The following SPOCK3 variants were observed in gnomAD, a reference collection of about 807,000 sequenced individuals.
SPOCK3 encodes the protein SPARC (osteonectin), cwcv and kazal like domains proteoglycan 3.
Under a neutral mutation model 56.6 loss-of-function variants are expected in SPOCK3, and 30 were observed. That is an observed-to-expected ratio of 0.53 (90% CI 0.40 to 0.72). The LOEUF is 0.72. Ranked by LOEUF, SPOCK3 falls within the 30% of genes least tolerant of loss-of-function variation. The probability of loss-of-function intolerance (pLI) is 0.00; values close to 1 mark genes in which losing one functional copy is unlikely to be tolerated. For missense variants in SPOCK3, 527 were observed against 530.0 expected (o/e 0.99, Z 0.06); for synonymous variants, 196 against 183.3 (o/e 1.07, Z -0.56).
chr4:167,215,279 C>T (rs1015219265), intron 2 of SPOCK3, among the ~76,000 whole-genome samples: 1 of 152,056 alleles, frequency 6.6e-6, no homozygotes, highest in African/African-American at 2.4e-5. Flanking sequence ...GTTTGCTTCA[C>T]TTACCCATAT....
At chr4:166,815,791 T>C (rs1288186541) in intron 6 of SPOCK3, among the ~76,000 whole-genome samples, 4 of 151,890 alleles carry the variant, frequency 2.6e-5, no homozygotes, top group Admixed American at 2.0e-4. Flanking sequence ...AATAAATAAA[T>C]AATAAAAAAG....
chr4:166,738,931 C>T (rs1339768640), intron 9 of SPOCK3, among the ~76,000 whole-genome samples: 6 of 152,106 alleles, frequency 3.9e-5, no homozygotes, highest in South Asian at 2.1e-4. Flanking sequence ...AATAAATATA[C>T]GTGTGCATGT....
intron 2 of SPOCK3, among the ~76,000 whole-genome samples, chr4:167,069,449 A>T (rs1214747432): frequency 6.6e-6 from 1 of 151,986 alleles, no homozygotes; most frequent in Non-Finnish European, 1.5e-5. Context: ...GCCAGCTAGG[A>T]AAGTCAGAAC....
Position 166,851,135 on chromosome 4 carries a change from T to A in SPOCK3, c.589+37995A>T, listed in dbSNP as rs1029406342. ...GCTGGAGATCTGAGAACTGGCAGACTGCCTCCTCAAGTGGGTCCCTAACCC... is the reference window on the plus strand; with the variant it reads ...GCTGGAGATCTGAGAACTGGCAGACAGCCTCCTCAAGTGGGTCCCTAACCC... On this transcript the variant is annotated intron_variant, in intron 6 of 10. Transcript: ENST00000357545. Among the ~76,000 whole-genome samples, 37 of 151,344 alleles carry A rather than the reference T, an allele frequency of 2.4e-4. No homozygotes were observed. In the South Asian group the frequency reaches 3.1e-3, roughly 13 times the overall value.
At chr4:167,144,590 T>G (rs943623254) in intron 2 of SPOCK3, among the ~76,000 whole-genome samples, 1 of 151,562 alleles carries the variant, frequency 6.6e-6, no homozygotes, top group African/African-American at 2.4e-5. Flanking sequence ...CATCAGATAG[T>G]GATAGGTAAT....
intron 4 of SPOCK3, among the ~76,000 whole-genome samples, chr4:166,952,300 G>A (rs1034870649): frequency 6.6e-6 from 1 of 152,118 alleles, no homozygotes; most frequent in Non-Finnish European, 1.5e-5. Flanking sequence ...CAGACAAACA[G>A]AGAGCCAAAT....
chr4:166,763,169 T>C (rs563345475), intron 7 of SPOCK3, among the ~76,000 whole-genome samples: 3 of 150,748 alleles, frequency 2.0e-5, no homozygotes, highest in African/African-American at 7.3e-5. Context: ...AGACAAATAC[T>C]GAAACAGGAG....
intron 2 of SPOCK3, among the ~76,000 whole-genome samples, chr4:167,220,232 A>T (rs1488399138): frequency 6.6e-6 from 1 of 152,148 alleles, no homozygotes; most frequent in Non-Finnish European, 1.5e-5. Flanking sequence ...ATAATTTGAT[A>T]ATAGGAAGAA....
chr4:167,167,588 A>G (rs1730091946), intron 2 of SPOCK3, among the ~76,000 whole-genome samples: 1 of 152,190 alleles, frequency 6.6e-6, no homozygotes. Flanking sequence ...TTGTGAAACA[A>G]TTCATCCTAA....
chr4:166,788,460 T>A (rs934170598), intron 7 of SPOCK3, among the ~76,000 whole-genome samples: 2 of 152,080 alleles, frequency 1.3e-5, no homozygotes, highest in Non-Finnish European at 2.9e-5. Flanking sequence ...TATATACTTT[T>A]TATCTCTTAT....
chr4:167,223,549 G>A (rs1338540997), intron 2 of SPOCK3, among the ~76,000 whole-genome samples: 4 of 151,876 alleles, frequency 2.6e-5, no homozygotes, highest in African/African-American at 9.7e-5. Context: ...TACTACTGGA[G>A]AGAGCCCTGA....
chr4:167,134,292 CAA>C lies in SPOCK3; in HGVS notation c.190-71757_190-71756del, dbSNP rs1762938251. ...AGGCGATCTGCCTGCCTCAGTCTCC[CAA>C]AATGCTGGGATTACAGGTGTGAGCC... On this transcript the variant is annotated intron_variant, in intron 2 of 10. Coordinates refer to ENST00000357545, the MANE Select transcript of SPOCK3 (RefSeq NM_001040159.2). 3.3e-5 allele frequency among the ~76,000 whole-genome samples: 5 copies of C among 152,036 alleles called. No individual in the cohort carries two copies. In the South Asian group the frequency reaches 1.0e-3, roughly 32 times the overall value.
intron 2 of SPOCK3, among the ~76,000 whole-genome samples, chr4:167,204,039 T>G (rs1733784079): frequency 6.6e-6 from 1 of 152,116 alleles, no homozygotes; most frequent in Admixed American, 6.6e-5. Context: ...CTATAAGATT[T>G]GGCTTCCTGA....
intron 6 of SPOCK3, among the ~76,000 whole-genome samples, chr4:166,826,987 T>TA (rs1023067498): frequency 1.3e-5 from 2 of 152,008 alleles, no homozygotes; most frequent in African/African-American, 2.4e-5. Flanking sequence ...CTGGGCCCAT[T>TA]AAAAAAATAA....
intron 2 of SPOCK3, among the ~76,000 whole-genome samples, chr4:167,144,347 A>G (rs1047014687): frequency 4.8e-4 from 73 of 152,030 alleles, no homozygotes; most frequent in African/African-American, 1.7e-3. Context: ...CCCAAACATA[A>G]GAAAATATGC....
chr4:167,109,871 T>G (rs940013649), intron 2 of SPOCK3, among the ~76,000 whole-genome samples: 3 of 151,924 alleles, frequency 2.0e-5, no homozygotes, highest in African/African-American at 7.2e-5. Flanking sequence ...CATATCTTTC[T>G]ACTGCATTTT....
intron 6 of SPOCK3, among the ~76,000 whole-genome samples, chr4:166,850,912 G>C (rs1056248173): frequency 1.3e-5 from 2 of 152,346 alleles, no homozygotes; most frequent in South Asian, 4.1e-4. Flanking sequence ...CCATTGCCCA[G>C]GCTTGCTTAG....
chr4:167,149,211 A>G (rs2150412866), intron 2 of SPOCK3, among the ~76,000 whole-genome samples: 1 of 152,280 alleles, frequency 6.6e-6, no homozygotes. Flanking sequence ...TAATTCTTCT[A>G]CATAGCAAAT....
chr4:167,109,059 T>TATATATACTTATATAA (rs1760511179), intron 2 of SPOCK3, among the ~76,000 whole-genome samples: 2 of 4,258 alleles, frequency 4.7e-4, no homozygotes, highest in Non-Finnish European at 6.8e-4. Context: ...AAAATATATA[T>TATATATACTTATATAA]AAATATTATA....
Sources: allele counts gnomAD v4.1 joint callset (sites outside exome capture counted in the v4.1 genomes callset), GRCh38; gene constraint gnomAD v4.1.1; transcripts MANE v1.5; gene names NCBI Gene and HGNC (gene_info 2026-07-23, HGNC 2026-07-21).